MCTP1: variants seen among roughly 807,000 people sequenced by gnomAD.
MCTP1 encodes the protein multiple C2 and transmembrane domain-containing protein 1.
In MCTP1, 69 loss-of-function variants were observed where a neutral mutation model predicts 120.6. The observed-to-expected ratio is 0.57, with a 90% CI of 0.47 to 0.70. The LOEUF is 0.70. Ranked by LOEUF, MCTP1 falls within the 30% of genes least tolerant of loss-of-function variation. The pLI is 0.00. For synonymous variants in MCTP1, 529 were observed against 493.1 expected, an observed-to-expected ratio of 1.07 and a Z score of -0.96; for missense variants, 1,203 against 1,248.8, an observed-to-expected ratio of 0.96 and a Z score of 0.55.
At chr5:95,124,244 T>C (rs1758454849) in intron 1 of MCTP1, among the ~76,000 whole-genome samples, 1 of 152,220 alleles carries the variant, frequency 6.6e-6, no homozygotes, top group African/African-American at 2.4e-5. Flanking sequence ...TGCCTCTAGC[T>C]GACTGGCATA....
intron 17 of MCTP1, among the ~76,000 whole-genome samples, chr5:94,848,090 C>T (rs1244835725): frequency 6.6e-6 from 1 of 151,944 alleles, no homozygotes; most frequent in Non-Finnish European, 1.5e-5. Context: ...ATAGAAAGAA[C>T]ATTTTCAGAG....
chr5:94,757,324 T>C (rs909564945), intron 19 of MCTP1, among the ~76,000 whole-genome samples: 4 of 152,190 alleles, frequency 2.6e-5, no homozygotes, highest in African/African-American at 9.7e-5. Flanking sequence ...ACATTTCATA[T>C]AGATACCAAG....
chr5:94,760,028 T>C (rs1179184622), intron 19 of MCTP1, among the ~76,000 whole-genome samples: 1 of 150,302 alleles, frequency 6.7e-6, no homozygotes, highest in Non-Finnish European at 1.5e-5. Flanking sequence ...CTAGCTCAAT[T>C]GCTTACAAAT....
intron 1 of MCTP1, among the ~76,000 whole-genome samples, chr5:95,149,266 C>A (rs1410577409): frequency 1.3e-5 from 2 of 152,182 alleles, no homozygotes; most frequent in Non-Finnish European, 2.9e-5. Flanking sequence ...TAGAAGGAAG[C>A]ATGATCAGCT....
chr5:95,072,948 T>C (rs1752618923), intron 1 of MCTP1, among the ~76,000 whole-genome samples: 1 of 152,042 alleles, frequency 6.6e-6, no homozygotes, highest in Non-Finnish European at 1.5e-5. Flanking sequence ...GGTTTCACCG[T>C]GTTAGCCAGG....
At chr5:94,775,729 G>A (rs562223078) in intron 19 of MCTP1, among the ~76,000 whole-genome samples, 43 of 151,750 alleles carry the variant, frequency 2.8e-4, no homozygotes, top group Non-Finnish European at 4.9e-4. Context: ...GATTCATAAC[G>A]AAGACTCACC....
intron 3 of MCTP1, among the ~76,000 whole-genome samples, chr5:94,947,157 G>A (rs768364239): frequency 6.6e-6 from 1 of 152,068 alleles, no homozygotes; most frequent in Non-Finnish European, 1.5e-5. Flanking sequence ...TCTCCTCCCT[G>A]TGATACCGTA....
intron 8 of MCTP1, among the ~76,000 whole-genome samples, chr5:94,914,347 C>T (rs1402810860): frequency 6.6e-6 from 1 of 152,184 alleles, no homozygotes. Context: ...GTCTATTTTA[C>T]GTAACTCTGC....
chr5:95,138,606 A>G (rs1162563390), intron 1 of MCTP1, among the ~76,000 whole-genome samples: 1 of 152,198 alleles, frequency 6.6e-6, no homozygotes, highest in Non-Finnish European at 1.5e-5. Context: ...TGAAGAGTCC[A>G]GGAATAGGTC....
intron 17 of MCTP1, among the ~76,000 whole-genome samples, chr5:94,804,500 G>A (rs1040203250): frequency 4.6e-5 from 7 of 151,930 alleles, no homozygotes; most frequent in Admixed American, 1.3e-4. Context: ...GTGCAGTGGC[G>A]CGATGTCGGC....
At chr5:95,030,124 C>T (rs1245655878) in intron 1 of MCTP1, among the ~76,000 whole-genome samples, 2 of 152,150 alleles carry the variant, frequency 1.3e-5, no homozygotes, top group Non-Finnish European at 2.9e-5. Context: ...CAGTGGGGAA[C>T]CAAAGGACAA....
intron 10 of MCTP1, among the ~76,000 whole-genome samples, chr5:94,895,527 G>T (rs1265578342): frequency 6.6e-6 from 1 of 152,138 alleles, no homozygotes; most frequent in African/African-American, 2.4e-5. Flanking sequence ...GAAGAGAAAG[G>T]TAATATGGTG....
At chr5:94,735,029 C>T (rs1763903950) in intron 19 of MCTP1, among the ~76,000 whole-genome samples, 2 of 152,168 alleles carry the variant, frequency 1.3e-5, no homozygotes, top group South Asian at 4.1e-4. Flanking sequence ...GATAATTGAC[C>T]TGTGTGAGTG....
intron 1 of MCTP1, among the ~76,000 whole-genome samples, chr5:95,055,107 TG>T (rs111269585): frequency 0.031 from 4,788 of 152,284 alleles, 209 homozygotes; most frequent in African/African-American, 0.094. Context: ...TTCTTTCTTT[TG>T]GTGTATCTTA....
chr5:94,796,487 G>A (rs1158231102), intron 18 of MCTP1, among the ~76,000 whole-genome samples: 2 of 150,306 alleles, frequency 1.3e-5, no homozygotes, highest in Non-Finnish European at 3.0e-5. Flanking sequence ...AGTGCTATGC[G>A]CTATGCAGGA....
chr5:95,006,299 A>ATATATGTATATATATGTATG (rs1391981109), intron 2 of MCTP1, among the ~76,000 whole-genome samples: 3 of 151,398 alleles, frequency 2.0e-5, no homozygotes, highest in African/African-American at 2.4e-5. Flanking sequence ...GTATGTGTAT[A>ATATATGTATATATATGTATG]TATATGTATA....
At chr5:95,278,330 G>C (rs1438379548) in intron 1 of MCTP1, among the ~76,000 whole-genome samples, 1 of 152,114 alleles carries the variant, frequency 6.6e-6, no homozygotes, top group Non-Finnish European at 1.5e-5. Context: ...AACTGTAAAG[G>C]CTATTTGTTA....
chr5:94,972,124 C>T (rs1158008930), intron 2 of MCTP1, among the ~76,000 whole-genome samples: 1 of 152,112 alleles, frequency 6.6e-6, no homozygotes, highest in Non-Finnish European at 1.5e-5. Flanking sequence ...CCATCATATA[C>T]AAATCAGGCC....
chr5:94,722,001 A>C (rs1278336985), intron 19 of MCTP1, among the ~76,000 whole-genome samples: 1 of 152,142 alleles, frequency 6.6e-6, no homozygotes, highest in East Asian at 1.9e-4. Flanking sequence ...AAGCTCTCTT[A>C]CTAGGTTTTA....
Sources: allele counts gnomAD v4.1 joint callset (sites outside exome capture counted in the v4.1 genomes callset), GRCh38; gene constraint gnomAD v4.1.1; transcripts MANE v1.5; gene names NCBI Gene and HGNC (gene_info 2026-07-23, HGNC 2026-07-21).